Variants in PARPBP observed in about 807,000 individuals in gnomAD.
PARPBP encodes the protein PCNA-interacting partner.
A neutral mutation model predicts 50.0 loss-of-function variants in PARPBP; 52 were observed. The observed-to-expected ratio is 1.04, with a 90% CI of 0.83 to 1.31. The LOEUF (loss-of-function observed/expected upper bound fraction) is 1.31. Among genes scored for constraint, PARPBP ranks in the 50% most tolerant of loss-of-function variants. The probability of loss-of-function intolerance (pLI) is 0.00; values close to 1 mark genes in which losing one functional copy is unlikely to be tolerated. For missense variants in PARPBP, 697 were observed against 672.0 expected (o/e 1.04, Z -0.41); for synonymous variants, 244 against 232.1 (o/e 1.05, Z -0.47).
intron 9 of PARPBP, among the ~76,000 whole-genome samples, chr12:102,189,124 A>G (rs761050531): frequency 1.3e-5 from 2 of 152,212 alleles, no homozygotes; most frequent in Non-Finnish European, 2.9e-5. Context: ...TTGAAGATAC[A>G]TTGGTCATAA....
Position 102,148,247 on chromosome 12 carries a change from A to T in PARPBP, c.171A>T (p.Thr57=). 6.4e-7 allele frequency: 1 copy of T among 1,557,630 alleles called. No individual in the cohort carries two copies. The highest frequency in any genetic ancestry group is 8.8e-7 in the Non-Finnish European group (1 of 1,142,686). Residue 57 remains threonine (T), a synonymous_variant, in exon 3 of 11, where the codon ACA becomes ACT. Transcript: ENST00000327680. Reference sequence around the variant, plus strand: ...TTTTTCAGCACAGTGGAGAATTTACAGTCTCTCTCAGTGATGTTTTATTGA... The same window carrying T: ...TTTTTCAGCACAGTGGAGAATTTACTGTCTCTCTCAGTGATGTTTTATTGA... ...ENNKQHSGEF[T]VSLSDVLLTW...
chr12:102,151,923 G>A (rs544236160), intron 3 of PARPBP: 286 of 679,986 alleles, frequency 4.2e-4, no homozygotes, highest in Middle Eastern at 1.4e-3. Flanking sequence ...ATAAAACCAG[G>A]AGCAAACCTC....
chr12:102,160,171 T>G (rs188017542), intron 4 of PARPBP, among the ~76,000 whole-genome samples: 109 of 152,332 alleles, frequency 7.2e-4, no homozygotes, highest in Non-Finnish European at 1.2e-3. Flanking sequence ...CCATGTTATC[T>G]GACCATAATA....
At chr12:102,150,884 G>C (rs909896329) in intron 3 of PARPBP, among the ~76,000 whole-genome samples, 2 of 152,184 alleles carry the variant, frequency 1.3e-5, no homozygotes. Context: ...CTTCTTGTTG[G>C]TGAGGCTTGG....
At chr12:102,167,150 C>T (rs1187326142) in intron 6 of PARPBP, among the ~76,000 whole-genome samples, 7 of 152,058 alleles carry the variant, frequency 4.6e-5, no homozygotes, top group African/African-American at 1.7e-4. Context: ...ATCCTCACCT[C>T]GTGAAACAGT....
chr12:102,189,170 C>T (rs557525634), intron 9 of PARPBP, among the ~76,000 whole-genome samples: 4 of 152,188 alleles, frequency 2.6e-5, no homozygotes, highest in Non-Finnish European at 5.9e-5. Flanking sequence ...AGATTACTAC[C>T]TAGCATTTAG....
At chr12:102,194,002 T>C (rs564508787) in intron 9 of PARPBP, among the ~76,000 whole-genome samples, 86 of 152,176 alleles carry the variant, frequency 5.7e-4, no homozygotes, top group Non-Finnish European at 9.4e-4. Context: ...TAATTTTTAG[T>C]GATCTGGGAG....
In PARPBP at chr12:102,155,599, G is replaced by A. The variant is rs1033365035; in HGVS notation, c.495+1623G>A. The stretch of plus-strand genomic sequence containing the variant: ...TCTATCGCCTGAGAGCATGGTGGGG[G>A]GGGGGGGCGGGGACAATGATTGGAA... On this transcript the variant is annotated intron_variant, in intron 4 of 10. Transcript: ENST00000327680. 2.4e-5 allele frequency among the ~76,000 whole-genome samples: 3 copies of A among 127,046 alleles called. No individual in the cohort carries two copies. In the East Asian group the frequency reaches 8.7e-4, roughly 37 times the overall value. The allele number at this position is 127,046 out of a possible 152,430, so 83.3% of individuals were successfully genotyped here. A position where few individuals can be genotyped will look rare whatever the true frequency, so the allele number is the denominator to read the frequency against.
In PARPBP at chr12:102,121,732, C is replaced by T. The variant is rs141270823; in HGVS notation, c.-4+1446C>T. Among the ~76,000 whole-genome samples, 1,001 of 151,818 alleles carry T rather than the reference C, an allele frequency of 6.6e-3. 5 individuals are homozygous for T. The highest frequency in any genetic ancestry group is 0.018 in the South Asian group (87 of 4,790). On this transcript the variant is annotated intron_variant, in intron 1 of 10. Transcript: ENST00000327680. ...CCACACCCAGCTAATTTTTAGTAGA[C>T]AGGGTTTCACCATGTTGGCCAGGTT...
At chr12:102,164,800 A>G (rs1887969485) in intron 5 of PARPBP, 192 bp downstream of exon 5, 3 of 604,232 alleles carry the variant, frequency 5.0e-6, no homozygotes, top group Non-Finnish European at 8.8e-6. Context: ...TCTCTAAAGC[A>G]GTGTTTCCTT....
rs1887942078 is a variant in PARPBP, at chr12:102,164,626, G to A, written c.666+18G>A. The A allele has an allele frequency of 6.2e-7, 1 of 1,609,670 alleles. No homozygotes were observed. The highest frequency in any genetic ancestry group is 8.5e-7 in the Non-Finnish European group (1 of 1,176,386). ...TCTTTTTGGTATGGTTGTGTGACAT[G>A]TTCAAAATTAAGACTCCTTGCACAG... is the stretch of plus-strand genomic sequence containing the variant. On this transcript the variant is annotated intron_variant, in intron 5 of 10. Transcript: ENST00000327680.
At chr12:102,183,043 TGA>T (rs1889985936) in intron 9 of PARPBP, among the ~76,000 whole-genome samples, 1 of 152,228 alleles carries the variant, frequency 6.6e-6, no homozygotes, top group Non-Finnish European at 1.5e-5. Context: ...TAGATTGAGC[TGA>T]GAGCATTTTA....
rs4764863 is a variant in PARPBP at position 102,120,406 on chromosome 12, A to G, written c.-4+120A>G. On this transcript the variant is annotated intron_variant, in intron 1 of 10. Transcript: ENST00000327680. ...TCGTAGCAAAGTGCCGTGGGACCGA[A>G]GTATTATGGTGCAGTGACTTGACGC... is the stretch of plus-strand genomic sequence containing the variant. The G allele has an allele frequency of 0.52, 234,866 of 454,170 alleles. 63,041 individuals carry two copies. The highest frequency in any genetic ancestry group is 0.76 in the African/African-American group (37,769 of 49,974). The allele number at this position is 454,170 out of a possible 1,614,324, so 28.1% of individuals were successfully genotyped here. A position where few individuals can be genotyped will look rare whatever the true frequency, so the allele number is the denominator to read the frequency against.
intron 2 of PARPBP, among the ~76,000 whole-genome samples, chr12:102,141,489 G>C (rs576919715): frequency 6.6e-6 from 1 of 152,050 alleles, no homozygotes; most frequent in Admixed American, 6.6e-5. Flanking sequence ...ATTTACATTT[G>C]AGTTTAATAT....
At chr12:102,191,660 G>A (rs1467063867) in intron 9 of PARPBP, among the ~76,000 whole-genome samples, 1 of 152,018 alleles carries the variant, frequency 6.6e-6, no homozygotes, top group East Asian at 1.9e-4. Context: ...CCTCAAACTG[G>A]GAACTTACTA....
Position 102,195,957 on chromosome 12 carries a change from TA to T in PARPBP, c.1409del (p.Asn470IlefsTer82). 1 of 1,590,906 alleles carries T rather than the reference TA, an allele frequency of 6.3e-7. No individual in the cohort carries two copies. The highest frequency in any genetic ancestry group is 1.4e-5 in the African/African-American group (1 of 73,848). Reference sequence around the variant, plus strand: ...TTTTTATCTTGCATAACAGAGGGTGTAAATCCATCTGTTGGAAGATCAACAA... The same window carrying T: ...TTTTTATCTTGCATAACAGAGGGTGTAATCCATCTGTTGGAAGATCAACAA... ...LYMENDLSEG[V>X]NPSVGRSTIG... On this transcript the variant is annotated frameshift_variant, in exon 11 of 11. Transcript: ENST00000327680. LOFTEE classifies it low-confidence loss of function (END_TRUNC).
chr12:102,138,655 A>G (rs978575340), intron 2 of PARPBP, among the ~76,000 whole-genome samples: 1 of 152,130 alleles, frequency 6.6e-6, no homozygotes, highest in Non-Finnish European at 1.5e-5. Context: ...ATCTTGAATT[A>G]ATTTTTGTAT....
intron 3 of PARPBP, among the ~76,000 whole-genome samples, chr12:102,153,021 A>G (rs1053766643): frequency 2.6e-5 from 4 of 152,072 alleles, no homozygotes; most frequent in Non-Finnish European, 5.9e-5. Context: ...TGATATAAAT[A>G]TATTTGTTAT....
intron 3 of PARPBP, chr12:102,148,823 G>T (rs759761135): frequency 2.8e-4 from 50 of 176,762 alleles, no homozygotes; most frequent in Admixed American, 4.3e-4. Flanking sequence ...GGCATATGTT[G>T]GATAAATGAT....
Sources: gnomAD v4.1 joint callset for allele counts (sites outside exome capture counted in the v4.1 genomes callset) on GRCh38, gnomAD v4.1.1 for gene constraint, MANE v1.5 for transcripts, NCBI Gene and HGNC (gene_info 2026-07-23, HGNC 2026-07-21) for gene names.